The following AVEN variants were observed in gnomAD, a reference collection of about 807,000 sequenced individuals.
AVEN encodes the protein apoptosis and caspase activation inhibitor.
In AVEN, 41 loss-of-function variants were observed where a neutral mutation model predicts 38.1. The ratio of observed to expected loss-of-function variants is 1.08; its 90% CI spans 0.84 to 1.40. AVEN has a LOEUF of 1.40. Ranked by LOEUF, AVEN falls within the 40% of genes most tolerant of loss-of-function variation. The probability of loss-of-function intolerance (pLI) is 0.00; values close to 1 mark genes in which losing one functional copy is unlikely to be tolerated. For synonymous variants in AVEN, 206 were observed against 171.8 expected (o/e 1.20, Z -1.56); for missense variants, 605 against 438.8 (o/e 1.38, Z -3.38).
At chr15:33,891,897 T>A (rs1328173709) in intron 2 of AVEN, among the ~76,000 whole-genome samples, 1 of 152,222 alleles carries the variant, frequency 6.6e-6, no homozygotes, top group Non-Finnish European at 1.5e-5. Flanking sequence ...ATCTGTTGTT[T>A]CCTGACTTCT....
At chr15:33,917,523 G>A (rs1004081151) in intron 2 of AVEN, among the ~76,000 whole-genome samples, 14 of 112,354 alleles carry the variant, frequency 1.2e-4, no homozygotes, top group African/African-American at 4.5e-4. Context: ...ACACACATAC[G>A]TGTATATATA....
At chr15:33,896,288 C>T (rs1892229609) in intron 2 of AVEN, among the ~76,000 whole-genome samples, 1 of 152,264 alleles carries the variant, frequency 6.6e-6, no homozygotes, top group Admixed American at 6.5e-5. Context: ...AATGCCAGAA[C>T]TGACACAGAT....
chr15:33,888,549 G>C (rs572799400), intron 2 of AVEN, among the ~76,000 whole-genome samples: 39 of 152,296 alleles, frequency 2.6e-4, no homozygotes, highest in African/African-American at 9.1e-4. Flanking sequence ...TAAAGATAAG[G>C]ACAGAGGTAT....
chr15:34,062,987 C>T, exon 5 of AVEN: 1 of 1,614,230 alleles, frequency 6.2e-7, no homozygotes, highest in African/African-American at 1.3e-5. Flanking sequence ...ACACCACCTA[C>T]ATCCTCATGG....
At chr15:33,887,077 GA>G (rs1367881559) in intron 2 of AVEN, among the ~76,000 whole-genome samples, 1 of 152,292 alleles carries the variant, frequency 6.6e-6, no homozygotes, top group African/African-American at 2.4e-5. Context: ...GTAAGTATAA[GA>G]AATACATCAT....
At position 34,057,303 on chromosome 15, in the gene AVEN, A is replaced by ATTTT. The variant is rs59628367; in HGVS notation, n.1637+5615_1637+5618dup. Reference sequence around the variant, plus strand: ...AGGCACATGCCACCACGCCCAGCTAATTTTTTTTTTTTGTATTTTTAGTAG... The same window carrying ATTTT: ...AGGCACATGCCACCACGCCCAGCTAATTTTTTTTTTTTTTTTGTATTTTTAGTAG... On this transcript the variant is annotated intron_variant and non_coding_transcript_variant, in intron 5 of 11. Coordinates refer to the AVEN transcript ENST00000675287. 8.7e-3 allele frequency among the ~76,000 whole-genome samples: 1,277 copies of ATTTT among 147,278 alleles called. 11 individuals are homozygous for ATTTT. The highest frequency in any genetic ancestry group is 0.02 in the African/African-American group (794 of 40,104).
chr15:34,031,026 A>C (rs973102340), intron 1 of AVEN, among the ~76,000 whole-genome samples: 1 of 152,244 alleles, frequency 6.6e-6, no homozygotes, highest in African/African-American at 2.4e-5. Context: ...ATATACATCT[A>C]TTAACAAACT....
At chr15:33,939,791 G>A (rs890581239) in intron 2 of AVEN, among the ~76,000 whole-genome samples, 1 of 152,114 alleles carries the variant, frequency 6.6e-6, no homozygotes, top group African/African-American at 2.4e-5. Context: ...ATGGTCTTAG[G>A]AGATGGGGCC....
chr15:33,977,850 T>C (rs116571446), intron 2 of AVEN, among the ~76,000 whole-genome samples: 3,385 of 152,046 alleles, frequency 0.022, 137 homozygotes, highest in African/African-American at 0.077. Flanking sequence ...GGCAGGAGGA[T>C]TGCTTGAGCC....
intron 2 of AVEN, among the ~76,000 whole-genome samples, chr15:33,903,131 C>T (rs539569556): frequency 1.3e-5 from 2 of 152,174 alleles, no homozygotes; most frequent in Non-Finnish European, 2.9e-5. Context: ...GTAAATGAGG[C>T]CACATTGATC....
At chr15:33,853,632 C>G in the AVEN span, 3 of 1,614,006 alleles carry the variant, frequency 1.9e-6, no homozygotes, top group Non-Finnish European at 2.5e-6. Context: ...ATGCTCTTGA[C>G]TTTAGCCCAG....
In AVEN at chr15:33,867,574, C is replaced by T. The variant is rs763553616; in HGVS notation, c.894G>A (p.Glu298=). The T allele has an allele frequency of 5.6e-6, 9 of 1,614,022 alleles. No individual in the cohort carries two copies. The highest frequency in any genetic ancestry group is 6.8e-6 in the Non-Finnish European group (8 of 1,180,012). The change falls in exon 5 of 6, where the codon GAG becomes GAA. Residue 298 remains glutamate (E), a synonymous_variant. Transcript: ENST00000306730. Reference sequence around the variant, plus strand: ...TCTGATCTGGTAAGATGTTATCTCCCTCTTTTATAGGTGCATCTAAATTAA... The same window carrying T: ...TCTGATCTGGTAAGATGTTATCTCCTTCTTTTATAGGTGCATCTAAATTAA... The part of the protein sequence containing the change: ...LLLNLDAPIK[E]GDNILPDQTS...
At chr15:34,035,618 A>G (rs1899078658) in intron 1 of AVEN, among the ~76,000 whole-genome samples, 1 of 152,192 alleles carries the variant, frequency 6.6e-6, no homozygotes, top group Non-Finnish European at 1.5e-5. Context: ...CTCATCTTAT[A>G]TTAAGTACTC....
At chr15:33,942,587 A>T (rs1212874593) in intron 2 of AVEN, among the ~76,000 whole-genome samples, 1 of 151,984 alleles carries the variant, frequency 6.6e-6, no homozygotes, top group Non-Finnish European at 1.5e-5. Context: ...AGTAGCTGGG[A>T]CTACAGGCAC....
chr15:33,944,214 C>T (rs1055273138), intron 2 of AVEN, among the ~76,000 whole-genome samples: 6 of 152,180 alleles, frequency 3.9e-5, no homozygotes, highest in Non-Finnish European at 8.8e-5. Context: ...ACATCCCCTG[C>T]TCAATTCAAC....
In AVEN at chr15:33,926,328, C is replaced by T. The variant is rs148076636; in HGVS notation, c.446-50333G>A. Among the ~76,000 whole-genome samples the T allele has an allele frequency of 3.9e-5, 6 of 152,222 alleles. No homozygotes were observed. In the East Asian group the frequency reaches 1.2e-3, roughly 29 times the overall value. On this transcript the variant is annotated intron_variant, in intron 2 of 5. Transcript: ENST00000306730. ...TAAAGTAGGGAAAACAAAATACATC[C>T]CTACTAAGCATGCTGGAAAGGTCAC...
intron 2 of AVEN, among the ~76,000 whole-genome samples, chr15:33,964,664 T>C (rs1211568330): frequency 6.6e-6 from 1 of 152,112 alleles, no homozygotes; most frequent in African/African-American, 2.4e-5. Flanking sequence ...AGAACATAAA[T>C]GAATAGTATT....
At chr15:34,015,152 A>G (rs1339449998) in intron 1 of AVEN, among the ~76,000 whole-genome samples, 2 of 152,216 alleles carry the variant, frequency 1.3e-5, no homozygotes, top group Non-Finnish European at 2.9e-5. Flanking sequence ...AGCTGTTATC[A>G]TAAGGAAAAA....
chr15:33,901,585 C>T (rs569713072), intron 2 of AVEN, among the ~76,000 whole-genome samples: 1 of 152,248 alleles, frequency 6.6e-6, no homozygotes, highest in South Asian at 2.1e-4. Flanking sequence ...ATTTAGGAAC[C>T]TCCATACTGT....
Sources: gnomAD v4.1 joint callset for allele counts (sites outside exome capture counted in the v4.1 genomes callset) on GRCh38, gnomAD v4.1.1 for gene constraint, MANE v1.5 for transcripts, NCBI Gene and HGNC (gene_info 2026-07-23, HGNC 2026-07-21) for gene names.